Variants in GALK2 observed in about 807,000 individuals in gnomAD.
GALK2 encodes galactokinase 2, also known as N-acetylgalactosamine kinase.
In GALK2, 36 loss-of-function variants were observed where a neutral mutation model predicts 52.4. The observed-to-expected ratio is 0.69, with a 90% CI of 0.53 to 0.91. The LOEUF is 0.91. Ranked by LOEUF, GALK2 falls within the 40% of genes least tolerant of loss-of-function variation. GALK2 has a pLI of 0.00. For missense variants in GALK2, 579 were observed against 559.1 expected, an observed-to-expected ratio of 1.04 and a Z score of -0.36; for synonymous variants, 176 against 199.1, an observed-to-expected ratio of 0.88 and a Z score of 0.98.
intron 1 of GALK2, among the ~76,000 whole-genome samples, chr15:49,184,472 G>T (rs541174914): frequency 6.6e-6 from 1 of 152,148 alleles, no homozygotes; most frequent in South Asian, 2.1e-4. Context: ...GTCCATTTAC[G>T]TTCAATGTTA....
At chr15:49,301,012 G>C (rs1220901038) in intron 8 of GALK2, among the ~76,000 whole-genome samples, 3 of 152,152 alleles carry the variant, frequency 2.0e-5, no homozygotes, top group African/African-American at 7.2e-5. Context: ...AGGTCCGATG[G>C]TAATGAATTC....
chr15:49,359,417 T>A lies in GALK2; in HGVS notation c.427-8074T>A, dbSNP rs77417730. 2.3e-3 allele frequency among the ~76,000 whole-genome samples: 272 copies of A among 117,170 alleles called. 13 individuals carry two copies. The highest frequency in any genetic ancestry group is 8.5e-3 in the African/African-American group (255 of 30,102). 76.9% of individuals were successfully genotyped at this position (117,170 alleles called of 152,430 possible). On this transcript the variant is annotated intron_variant, in intron 3 of 3. Coordinates refer to the GALK2 transcript ENST00000558399. Reference sequence around the variant, plus strand: ...GAAAAAAACAAACAACCCCATCAAATAGTGGGCGAAGGACATGAACAGACA... The same window carrying A: ...GAAAAAAACAAACAACCCCATCAAAAAGTGGGCGAAGGACATGAACAGACA...
At position 49,345,580 on chromosome 15, in the gene GALK2, G is replaced by A. The variant is rs181297454; in HGVS notation, c.427-21911G>A. Among the ~76,000 whole-genome samples the A allele has an allele frequency of 4.5e-3, 681 of 152,340 alleles. 10 individuals are homozygous for A. Among genetic ancestry groups the A allele is most frequent in the Admixed American group, 6.7e-3 (102 of 15,304 alleles). On this transcript the variant is annotated intron_variant, in intron 3 of 3. Transcript: ENST00000558399. ...TGGTTATATTCTACTCCTTGGGGAT[G>A]AATGTGGCAACATGTTTTTCAATTC... is the stretch of plus-strand genomic sequence containing the variant.
intron 7 of GALK2, among the ~76,000 whole-genome samples, chr15:49,284,853 G>A (rs2033160401): frequency 6.6e-6 from 1 of 152,024 alleles, no homozygotes. Context: ...CCTTCCATGT[G>A]TGGCTGCAGG....
At chr15:49,235,969 C>T in intron 4 of GALK2, 28 bp downstream of exon 4, 1 of 1,265,810 alleles carries the variant, frequency 7.9e-7, no homozygotes, top group Non-Finnish European at 1.2e-6. Context: ...GCACTTACTA[C>T]CAGTTGAGAT....
chr15:49,249,936 C>T (rs538152295), intron 5 of GALK2, among the ~76,000 whole-genome samples: 49 of 152,174 alleles, frequency 3.2e-4, no homozygotes, highest in African/African-American at 1.2e-3. Flanking sequence ...TTCTCGTCTG[C>T]CCGTGCCTCT....
At chr15:49,356,309 A>G (rs2043158520) in intron 3 of GALK2, among the ~76,000 whole-genome samples, 1 of 151,320 alleles carries the variant, frequency 6.6e-6, no homozygotes, top group African/African-American at 2.4e-5. Flanking sequence ...AAGAGTCAAG[A>G]CCCATCAGTG....
intron 5 of GALK2, among the ~76,000 whole-genome samples, chr15:49,248,567 C>T (rs2091456072): frequency 6.6e-6 from 1 of 152,084 alleles, no homozygotes; most frequent in Admixed American, 6.6e-5. Flanking sequence ...CTCTGGGTGG[C>T]CTGTGTTTAA....
chr15:49,282,029 G>A lies in GALK2; in HGVS notation c.547G>A (p.Gly183Ser), dbSNP rs1195908292. The A allele has an allele frequency of 1.2e-6, 2 of 1,613,784 alleles. No individual in the cohort carries two copies. Among genetic ancestry groups the A allele is most frequent in the Non-Finnish European group, 1.7e-6 (2 of 1,179,798 alleles). ...EICAKSERYIGTEGGGMDQSI... is the reference protein window; with the variant it reads ...EICAKSERYISTEGGGMDQSI... ...CTGTGCCAAGAGTGAGCGTTACATT[G>A]GCACTGAAGGAGGAGGCATGGACCA... Residue 183 changes from glycine to serine, a missense_variant, in exon 6 of 10, where the codon GGC becomes AGC. Gly to Ser is a moderately conservative substitution (Grantham distance 56). Coordinates refer to ENST00000560031, the MANE Select transcript of GALK2 (RefSeq NM_002044.4).
intron 5 of GALK2, among the ~76,000 whole-genome samples, chr15:49,252,654 C>A (rs945158080): frequency 3.3e-5 from 5 of 151,506 alleles, no homozygotes; most frequent in African/African-American, 1.2e-4. Flanking sequence ...TTCTTGTAGA[C>A]AATTATTTTC....
chr15:49,299,760 TTTC>T (rs766996453), intron 8 of GALK2, among the ~76,000 whole-genome samples: 18 of 123,598 alleles, frequency 1.5e-4, no homozygotes, highest in East Asian at 4.1e-4. Context: ...TCTTTCTTTC[TTTC>T]TTTCTTTCTT....
chr15:49,286,507 C>G (rs888865029), intron 7 of GALK2, among the ~76,000 whole-genome samples: 3 of 152,142 alleles, frequency 2.0e-5, no homozygotes, highest in Non-Finnish European at 4.4e-5. Flanking sequence ...TAGAGATATA[C>G]TGAACGAGGA....
intron 2 of GALK2, among the ~76,000 whole-genome samples, chr15:49,202,392 T>C (rs1370596697): frequency 6.6e-6 from 1 of 152,186 alleles, no homozygotes; most frequent in African/African-American, 2.4e-5. Context: ...ACCATTAATT[T>C]ATCCTCTATT....
intron 1 of GALK2, among the ~76,000 whole-genome samples, chr15:49,171,537 GCAAA>G (rs953619426): frequency 5.3e-5 from 8 of 152,072 alleles, no homozygotes; most frequent in Admixed American, 3.9e-4. Context: ...CCTTAAACCA[GCAAA>G]CAGTGTGTCT....
intron 1 of GALK2, among the ~76,000 whole-genome samples, chr15:49,157,729 G>A (rs1435341961): frequency 6.6e-6 from 1 of 152,200 alleles, no homozygotes; most frequent in Non-Finnish European, 1.5e-5. Context: ...GCAGAGAACA[G>A]GATCATTGGA....
intron 5 of GALK2, among the ~76,000 whole-genome samples, chr15:49,261,611 A>G (rs2141628244): frequency 6.6e-6 from 1 of 151,200 alleles, no homozygotes; most frequent in South Asian, 2.1e-4. Flanking sequence ...TATGTTGAAT[A>G]GGAGTGGTGA....
chr15:49,295,459 TG>T (rs1273197449), intron 8 of GALK2, among the ~76,000 whole-genome samples: 1 of 152,068 alleles, frequency 6.6e-6, no homozygotes, highest in African/African-American at 2.4e-5. Flanking sequence ...TAATTAGATT[TG>T]GGGGTTATTG....
At chr15:49,299,735 T>TTTTCTTTCTTTCTTTCTTTC (rs869275324) in intron 8 of GALK2, among the ~76,000 whole-genome samples, 2 of 77,526 alleles carry the variant, frequency 2.6e-5, no homozygotes, top group Non-Finnish European at 5.3e-5. Context: ...TCTTTCTTTC[T>TTTTCTTTCTTTCTTTCTTTC]TTTCTTTCTT....
In GALK2 at chr15:49,340,058, G is replaced by A. The variant is rs1423748684; in HGVS notation, c.426+20253G>A. ...TGGATCTTAACTTGCTGGGCTCAGT[G>A]GGGGTGGGACCCGCTGAGCCAGACC... On this transcript the variant is annotated intron_variant, in intron 3 of 3. Coordinates refer to the GALK2 transcript ENST00000558399. Among the ~76,000 whole-genome samples the A allele has an allele frequency of 2.0e-5, 3 of 152,240 alleles. No homozygotes were observed. The East Asian group carries it at 5.8e-4, about 30-fold the overall frequency.
Sources: gnomAD v4.1 joint callset for allele counts (sites outside exome capture counted in the v4.1 genomes callset) on GRCh38, gnomAD v4.1.1 for gene constraint, MANE v1.5 for transcripts, NCBI Gene and HGNC (gene_info 2026-07-23, HGNC 2026-07-21) for gene names.